PAK5: variants seen among roughly 807,000 people sequenced by gnomAD.
PAK5 encodes the protein serine/threonine-protein kinase PAK 5.
In PAK5, 16 loss-of-function variants were observed where a neutral mutation model predicts 65.9. The ratio of observed to expected loss-of-function variants is 0.24; its 90% CI spans 0.16 to 0.37. The LOEUF (loss-of-function observed/expected upper bound fraction) is 0.37. PAK5 is among the 10% of genes least tolerant of loss of function. The pLI is 1.00. For missense variants in PAK5, 785 were observed against 903.9 expected (o/e 0.87, Z 1.69); for synonymous variants, 371 against 354.9 (o/e 1.05, Z -0.51).
chr20:9,764,410 G>A (rs1302358220), intron 1 of PAK5, among the ~76,000 whole-genome samples: 2 of 152,162 alleles, frequency 1.3e-5, no homozygotes, highest in African/African-American at 4.8e-5. Context: ...TGATCAATTG[G>A]AAGAGGCAAT....
chr20:9,740,722 C>T (rs1337673988), intron 1 of PAK5, among the ~76,000 whole-genome samples: 1 of 152,226 alleles, frequency 6.6e-6, no homozygotes, highest in African/African-American at 2.4e-5. Context: ...AATCAGCCAA[C>T]AGCCAGCCAA....
chr20:9,743,750 T>C (rs774021460), intron 1 of PAK5, among the ~76,000 whole-genome samples: 1 of 152,192 alleles, frequency 6.6e-6, no homozygotes, highest in Non-Finnish European at 1.5e-5. Context: ...TAAGTAAATA[T>C]TTCAAGGGAA....
chr20:9,719,296 T>A (rs116400606), intron 1 of PAK5, among the ~76,000 whole-genome samples: 3,812 of 152,264 alleles, frequency 0.025, 173 homozygotes, highest in African/African-American at 0.087. Flanking sequence ...TAGAGAAAAT[T>A]CTCAGAGCAT....
In PAK5 at chr20:9,695,221, G is replaced by A. The variant is rs2047852300; in HGVS notation, c.-12+16065C>T. 3.3e-5 allele frequency among the ~76,000 whole-genome samples: 5 copies of A among 151,898 alleles called. 1 individual carries two copies. The South Asian group carries it at 8.3e-4, about 25-fold the overall frequency. On this transcript the variant is annotated intron_variant, in intron 2 of 9. Coordinates refer to ENST00000353224, the MANE Select transcript of PAK5 (RefSeq NM_177990.4). ...AGTCCCTTGCCGATTTTCACATTAG[G>A]TTCTCTTCCTTTTTCTTACTCATTT... is the stretch of plus-strand genomic sequence containing the variant.
chr20:9,802,910 G>GTGTGTGTATATATATATATATA (rs142279832), intron 1 of PAK5, among the ~76,000 whole-genome samples: 98 of 46,364 alleles, frequency 2.1e-3, no homozygotes, highest in African/African-American at 5.8e-3. Flanking sequence ...ATATGTATGT[G>GTGTGTGTATATATATATATATA]TATATATATA....
At chr20:9,806,091 A>G (rs968327955) in intron 1 of PAK5, among the ~76,000 whole-genome samples, 3 of 152,134 alleles carry the variant, frequency 2.0e-5, no homozygotes, top group African/African-American at 7.2e-5. Context: ...CAGCCTCCCA[A>G]GCAGCTGGGA....
At chr20:9,635,157 T>C (rs1012515420) in intron 3 of PAK5, among the ~76,000 whole-genome samples, 2 of 152,216 alleles carry the variant, frequency 1.3e-5, no homozygotes, top group African/African-American at 4.8e-5. Flanking sequence ...AAGGTTTGAA[T>C]TTTTATTAAA....
chr20:9,588,095 G>A (rs1280103753), intron 3 of PAK5, among the ~76,000 whole-genome samples: 1 of 151,956 alleles, frequency 6.6e-6, no homozygotes, highest in East Asian at 1.9e-4. Context: ...CACCATTTTG[G>A]TACACCTGCT....
chr20:9,770,339 C>T (rs1331197251), intron 1 of PAK5, among the ~76,000 whole-genome samples: 2 of 151,864 alleles, frequency 1.3e-5, no homozygotes, highest in Non-Finnish European at 2.9e-5. Flanking sequence ...CTTAAAGAAA[C>T]AAGAAACAAG....
At chr20:9,699,634 T>C (rs2047914293) in intron 2 of PAK5, among the ~76,000 whole-genome samples, 1 of 150,580 alleles carries the variant, frequency 6.6e-6, no homozygotes, top group African/African-American at 2.4e-5. Flanking sequence ...TATACATAAG[T>C]AATGCTCCAC....
At chr20:9,556,265 G>A (rs931636011) in intron 7 of PAK5, among the ~76,000 whole-genome samples, 34 of 152,324 alleles carry the variant, frequency 2.2e-4, no homozygotes, top group Admixed American at 2.0e-3. Flanking sequence ...GTGTATACAT[G>A]TACATGGAAA....
intron 2 of PAK5, among the ~76,000 whole-genome samples, chr20:9,664,406 C>T (rs2047385868): frequency 6.6e-6 from 1 of 152,188 alleles, no homozygotes; most frequent in South Asian, 2.1e-4. Context: ...TCCCATCCAG[C>T]TCTAAAATTC....
intron 3 of PAK5, among the ~76,000 whole-genome samples, chr20:9,582,296 C>T (rs560983518): frequency 6.6e-6 from 1 of 152,304 alleles, no homozygotes; most frequent in South Asian, 2.1e-4. Flanking sequence ...TTCCTCTGAT[C>T]TGTGACAGTT....
chr20:9,654,334 T>G (rs979815969), intron 2 of PAK5, among the ~76,000 whole-genome samples: 3 of 152,176 alleles, frequency 2.0e-5, no homozygotes, highest in Non-Finnish European at 4.4e-5. Flanking sequence ...TTAAGGATGC[T>G]TGTATTATAT....
rs1203323723 is a variant in PAK5, at chr20:9,838,183, GCGCGCGCACACACACA to G, written c.-162+563_-162+578del. ...GTCTCTCCATTACAACCCACCAGGC[GCGCGCGCACACACACA>G]CGCGCGCACACACACACACACACAA... On this transcript the variant is annotated intron_variant, in intron 1 of 9. Transcript: ENST00000353224. The surrounding 1 kb of genome is among the most constrained non-coding windows in gnomAD (Gnocchi z 4.5). Among the ~76,000 whole-genome samples the G allele has an allele frequency of 2.9e-5, 4 of 136,416 alleles. No homozygotes were observed. Among genetic ancestry groups the G allele is most frequent in the Non-Finnish European group, 6.2e-5 (4 of 64,934 alleles). 89.5% of individuals were successfully genotyped at this position (136,416 alleles called of 152,430 possible).
At chr20:9,718,152 A>C (rs1757386468) in intron 1 of PAK5, among the ~76,000 whole-genome samples, 2 of 151,994 alleles carry the variant, frequency 1.3e-5, no homozygotes, top group African/African-American at 4.8e-5. Flanking sequence ...TATATACCAT[A>C]GAATTTTAGA....
At position 9,580,736 on chromosome 20, in the gene PAK5, G is replaced by A. The variant is rs773585782; in HGVS notation, c.399C>T (p.Ser133=). 25 of 1,613,570 alleles carry A rather than the reference G, an allele frequency of 1.5e-5. No individual in the cohort carries two copies. The highest frequency in any genetic ancestry group is 4.0e-5 in the African/African-American group (3 of 74,788). ...NGFITFSQYS[S]ESDTTADYTT... Reference sequence around the variant, plus strand: ...TGTAGTCAGCAGTAGTATCGGATTCGCTGGAATACTGGGAGAAGGTGATGA... The same window carrying A: ...TGTAGTCAGCAGTAGTATCGGATTCACTGGAATACTGGGAGAAGGTGATGA... The change falls in exon 4 of 10, where the codon AGC becomes AGT. Residue 133 remains serine, a synonymous_variant. Coordinates refer to ENST00000353224, the MANE Select transcript of PAK5 (RefSeq NM_177990.4).
intron 3 of PAK5, among the ~76,000 whole-genome samples, chr20:9,603,212 T>C (rs888536416): frequency 6.6e-6 from 1 of 152,212 alleles, no homozygotes; most frequent in Admixed American, 6.5e-5. Flanking sequence ...TCTGGGTAGA[T>C]GGAGCTCTCA....
intron 4 of PAK5, among the ~76,000 whole-genome samples, chr20:9,570,946 G>C (rs369088045): frequency 3.9e-5 from 6 of 152,270 alleles, no homozygotes; most frequent in Admixed American, 6.5e-5. Context: ...CTGCACCAAG[G>C]GGACAATTTC....
Sources: gnomAD v4.1 joint callset for allele counts (sites outside exome capture counted in the v4.1 genomes callset) on GRCh38, gnomAD v4.1.1 for gene constraint, Gnocchi (gnomAD v3.1) non-coding constraint, MANE v1.5 for transcripts, NCBI Gene and HGNC (gene_info 2026-07-23, HGNC 2026-07-21) for gene names.